The following TRPS1 variants were observed in gnomAD, a reference collection of about 807,000 sequenced individuals.
The protein encoded by TRPS1 is zinc finger transcription factor Trps1.
Under a neutral mutation model 101.2 loss-of-function variants are expected in TRPS1, and 6 were observed. That is an observed-to-expected ratio of 0.06 (90% CI 0.03 to 0.12). TRPS1 has a LOEUF of 0.12. Ranked by LOEUF, TRPS1 falls within the 10% of genes least tolerant of loss-of-function variation. The probability of loss-of-function intolerance (pLI) is 1.00; values close to 1 mark genes in which losing one functional copy is unlikely to be tolerated. For missense variants in TRPS1, 1,363 were observed against 1,567.0 expected (o/e 0.87, Z 2.20); for synonymous variants, 578 against 589.8 (o/e 0.98, Z 0.29).
intron 5 of TRPS1, among the ~76,000 whole-genome samples, chr8:115,498,759 T>C (rs528792361): frequency 2.0e-5 from 3 of 152,158 alleles, no homozygotes; most frequent in East Asian, 3.9e-4. Flanking sequence ...AATGCCCTGG[T>C]TGATGGAAAC....
At chr8:115,540,700 A>T (rs7012149) in intron 5 of TRPS1, among the ~76,000 whole-genome samples, 3,269 of 151,898 alleles carry the variant, frequency 0.022, 117 homozygotes, top group African/African-American at 0.069. Flanking sequence ...AACACAAAAA[A>T]TACATACTTT....
rs1302502473 is a variant in TRPS1 at position 115,460,210 on chromosome 8, A to ACAATCACCTGCT, written c.2701-41770_2701-41759dup. On this transcript the variant is annotated intron_variant, in intron 5 of 6. Coordinates refer to ENST00000395715, the MANE Select transcript of TRPS1 (RefSeq NM_014112.5). ...AGTTTCAAATAATCCATCCTGTAACACAATCACCTGCTCAGTAAAATTTAT... is the reference window on the plus strand; with the variant it reads ...AGTTTCAAATAATCCATCCTGTAACACAATCACCTGCTCAATCACCTGCTCAGTAAAATTTAT... Among the ~76,000 whole-genome samples, 6 of 152,166 alleles carry ACAATCACCTGCT rather than the reference A, an allele frequency of 3.9e-5. No homozygotes were observed. In the East Asian group the frequency reaches 1.2e-3, roughly 29 times the overall value.
chr8:115,449,550 G>A (rs1341467278), intron 5 of TRPS1, among the ~76,000 whole-genome samples: 1 of 152,214 alleles, frequency 6.6e-6, no homozygotes, highest in African/African-American at 2.4e-5. Context: ...TTCTGCAACT[G>A]TCTGAGTAAT....
rs73706615 is a variant in TRPS1 at position 115,506,326 on chromosome 8, C to T, written c.2700+80675G>A. On this transcript the variant is annotated intron_variant, in intron 5 of 6. Coordinates refer to ENST00000395715, the MANE Select transcript of TRPS1 (RefSeq NM_014112.5). ...AGCAAATTAAGCTCTGAGATGACTA[C>T]GGTTGAGTAATTTATTGTCAAATAT... 4.4e-3 allele frequency among the ~76,000 whole-genome samples: 673 copies of T among 151,984 alleles called. 8 individuals carry two copies. The highest frequency in any genetic ancestry group is 0.015 in the African/African-American group (637 of 41,488).
intron 5 of TRPS1, among the ~76,000 whole-genome samples, chr8:115,425,713 G>A (rs1035525969): frequency 1.3e-5 from 2 of 152,162 alleles, no homozygotes; most frequent in Non-Finnish European, 2.9e-5. Flanking sequence ...TATTCATACA[G>A]ATTCTTTACA....
chr8:115,645,500 T>C (rs2737242), intron 1 of TRPS1, among the ~76,000 whole-genome samples: 76,422 of 151,908 alleles, frequency 0.5, 22,727 homozygotes, highest in African/African-American at 0.83. Flanking sequence ...ATACTACCCC[T>C]CAAGAAAGGT....
chr8:115,619,516 T>C lies in TRPS1; in HGVS notation c.582A>G (p.Ser194=). ...GCACTTGTGGGTTTTTTGAGGCCACTGAAACTGGGCTCAAACCTTGACAAT... is the reference window on the plus strand; with the variant it reads ...GCACTTGTGGGTTTTTTGAGGCCACCGAAACTGGGCTCAAACCTTGACAAT... ...QANCQGLSPV[S]VASKNPQVPS... is the part of the protein sequence containing the mutation. Residue 194 remains serine (S), a synonymous_variant, in exon 3 of 7, where the codon TCA becomes TCG. Coordinates refer to ENST00000395715, the MANE Select transcript of TRPS1 (RefSeq NM_014112.5). 1.2e-6 allele frequency: 2 copies of C among 1,614,202 alleles called. No homozygotes were observed. Among genetic ancestry groups the C allele is most frequent in the Non-Finnish European group, 1.7e-6 (2 of 1,180,046 alleles).
intron 5 of TRPS1, among the ~76,000 whole-genome samples, chr8:115,452,001 A>G (rs534937362): frequency 5.3e-5 from 8 of 152,312 alleles, no homozygotes; most frequent in African/African-American, 1.9e-4. Context: ...GCTAAAGGCC[A>G]ATATTAAAGT....
intron 5 of TRPS1, among the ~76,000 whole-genome samples, chr8:115,424,201 A>G (rs1813136381): frequency 6.6e-6 from 1 of 152,238 alleles, no homozygotes; most frequent in Non-Finnish European, 1.5e-5. Flanking sequence ...AATCGAATCA[A>G]TCTGAAATCT....
intron 4 of TRPS1, among the ~76,000 whole-genome samples, chr8:115,602,855 A>C (rs1341124989): frequency 6.6e-6 from 1 of 152,184 alleles, no homozygotes; most frequent in Non-Finnish European, 1.5e-5. Context: ...GCTTTGCTGA[A>C]CTAATTCCTA....
intron 5 of TRPS1, among the ~76,000 whole-genome samples, chr8:115,464,604 G>C (rs987768770): frequency 2.0e-5 from 3 of 152,094 alleles, no homozygotes; most frequent in African/African-American, 7.2e-5. Flanking sequence ...GCAACAATAT[G>C]TGACAAAACT....
At chr8:115,575,389 G>A (rs983797804) in intron 5 of TRPS1, among the ~76,000 whole-genome samples, 6 of 152,100 alleles carry the variant, frequency 3.9e-5, no homozygotes, top group African/African-American at 1.4e-4. Flanking sequence ...GTTTGCAGGT[G>A]CATGTCTATG....
intron 1 of TRPS1, among the ~76,000 whole-genome samples, chr8:115,629,719 C>G (rs763255001): frequency 6.6e-6 from 1 of 151,800 alleles, no homozygotes; most frequent in Non-Finnish European, 1.5e-5. Context: ...ACTGAGCCAT[C>G]TTCAGTTCAT....
At chr8:115,421,495 T>C (rs1396742039) in intron 5 of TRPS1, among the ~76,000 whole-genome samples, 1 of 152,226 alleles carries the variant, frequency 6.6e-6, no homozygotes, top group African/African-American at 2.4e-5. Flanking sequence ...GTTTCTTTCA[T>C]ACCAATCTTA....
At chr8:115,602,155 G>A (rs1288754538) in intron 4 of TRPS1, among the ~76,000 whole-genome samples, 1 of 152,056 alleles carries the variant, frequency 6.6e-6, no homozygotes, top group African/African-American at 2.4e-5. Context: ...GTGCGTGTGT[G>A]TGTGTGTGCG....
chr8:115,557,066 T>C (rs1816837712), intron 5 of TRPS1, among the ~76,000 whole-genome samples: 2 of 152,084 alleles, frequency 1.3e-5, no homozygotes, highest in African/African-American at 4.8e-5. Flanking sequence ...AGTCACATCT[T>C]ACATGGATGG....
chr8:115,481,378 C>T (rs548700085), intron 5 of TRPS1, among the ~76,000 whole-genome samples: 1 of 152,106 alleles, frequency 6.6e-6, no homozygotes, highest in South Asian at 2.1e-4. Flanking sequence ...ATAGATCCCT[C>T]ACTTTACTAT....
chr8:115,566,357 A>T (rs1817067332), intron 5 of TRPS1, among the ~76,000 whole-genome samples: 2 of 152,168 alleles, frequency 1.3e-5, no homozygotes, highest in Admixed American at 6.6e-5. Flanking sequence ...AGAAGAATAC[A>T]CACCTGTTGC....
In TRPS1 at chr8:115,586,499, AT is replaced by A. The variant is rs376363460; in HGVS notation, c.2700+501del. ...CAACTCGACAACAACAAGCATTGTC[AT>A]TTATACATAATTATATCGTGGGTTT... On this transcript the variant is annotated intron_variant, in intron 5 of 6. Coordinates refer to ENST00000395715, the MANE Select transcript of TRPS1 (RefSeq NM_014112.5). 1.6e-3 allele frequency among the ~76,000 whole-genome samples: 236 copies of A among 152,230 alleles called. 2 individuals are homozygous for A. Among genetic ancestry groups the A allele is most frequent in the African/African-American group, 5.5e-3 (230 of 41,554 alleles).
Sources: gnomAD v4.1 joint callset for allele counts (sites outside exome capture counted in the v4.1 genomes callset) on GRCh38, gnomAD v4.1.1 for gene constraint, MANE v1.5 for transcripts, NCBI Gene and HGNC (gene_info 2026-07-23, HGNC 2026-07-21) for gene names.